The following MACROD1 variants were observed in gnomAD, a reference collection of about 807,000 sequenced individuals.
MACROD1 encodes ADP-ribose glycohydrolase MACROD1.
Under a neutral mutation model 41.4 loss-of-function variants are expected in MACROD1, and 31 were observed. The ratio of observed to expected loss-of-function variants is 0.75; its 90% confidence interval spans 0.56 to 1.01. MACROD1 has a LOEUF of 1.01. MACROD1 is among the 50% of genes least tolerant of loss of function. The pLI, the probability that MACROD1 is intolerant of heterozygous loss-of-function variation, is 0.00. For missense variants in MACROD1, 473 were observed against 460.0 expected (o/e 1.03, Z -0.26); for synonymous variants, 252 against 203.4 (o/e 1.24, Z -2.03).
At chr11:64,010,040 G>GGGGT (rs1942976281) in intron 4 of MACROD1, among the ~76,000 whole-genome samples, 1 of 151,402 alleles carries the variant, frequency 6.6e-6, no homozygotes, top group African/African-American at 2.4e-5. Flanking sequence ...CTGGGTTGTT[G>GGGGT]GTTGGGGTGT....
At chr11:64,144,769 A>G (rs1267025896) in intron 3 of MACROD1, among the ~76,000 whole-genome samples, 2 of 152,232 alleles carry the variant, frequency 1.3e-5, no homozygotes, top group Admixed American at 1.3e-4. Context: ...CACTGCGGAG[A>G]GGTTTCTGCT....
At chr11:64,094,899 G>A (rs948791859) in intron 3 of MACROD1, among the ~76,000 whole-genome samples, 2 of 152,224 alleles carry the variant, frequency 1.3e-5, no homozygotes, top group Non-Finnish European at 1.5e-5. Flanking sequence ...TGTCCCATCT[G>A]GGCCTGTGTC....
intron 3 of MACROD1, among the ~76,000 whole-genome samples, chr11:64,018,302 G>C (rs1401574326): frequency 6.6e-6 from 1 of 152,152 alleles, no homozygotes; most frequent in Non-Finnish European, 1.5e-5. Flanking sequence ...GGCTCTGGGG[G>C]TCAGGTGGCC....
In MACROD1 at chr11:64,151,321, T is replaced by C; in HGVS notation, c.435A>G (p.Lys145=). The change falls in exon 3 of 11, where the codon AAA becomes AAG. Residue 145 remains lysine (K), a synonymous_variant. Transcript: ENST00000255681. ...TTTTCTCATTGAGCTGCTTGTCCTT[T>C]TTATACCTGGGCTCCTCCACCTTCA... ...VAVKVEEPRY[K]KDKQLNEKIS... is the part of the protein sequence containing the mutation. 6.2e-7 allele frequency: 1 copy of C among 1,613,932 alleles called. No individual in the cohort carries two copies. The highest frequency in any genetic ancestry group is 8.5e-7 in the Non-Finnish European group (1 of 1,180,016).
chr11:64,077,122 C>T (rs111890347), intron 3 of MACROD1, among the ~76,000 whole-genome samples: 7,415 of 152,218 alleles, frequency 0.049, 446 homozygotes, highest in African/African-American at 0.14. Flanking sequence ...AGTCCAGCCT[C>T]GGGTAGGCCT....
At chr11:64,119,231 G>T in intron 3 of MACROD1, 1 of 163,280 alleles carries the variant, frequency 6.1e-6, no homozygotes. Context: ...GGAGTGAGGT[G>T]GGGGAGGAGA....
At chr11:64,164,547 T>C (rs1409189568) in intron 1 of MACROD1, among the ~76,000 whole-genome samples, 1 of 152,220 alleles carries the variant, frequency 6.6e-6, no homozygotes, top group Non-Finnish European at 1.5e-5. Context: ...AAGGGCCAAG[T>C]GCCTGACAAG....
Position 64,001,658 on chromosome 11 carries a change from G to C in MACROD1, c.548-1315C>G, listed in dbSNP as rs571909797. 79 of 701,518 alleles carry C rather than the reference G, an allele frequency of 1.1e-4. 1 individual carries two copies. In the East Asian group the frequency reaches 2.1e-3, roughly 18 times the overall value. 43.5% of individuals were successfully genotyped at this position (701,518 alleles called of 1,614,324 possible). ...AGGGATGGGTGGGCAGAGAGGTTAG[G>C]GGAACGCTGAGAACGGCTCAGGCCT... On this transcript the variant is annotated intron_variant, in intron 4 of 10. Coordinates refer to ENST00000255681, the MANE Select transcript of MACROD1 (RefSeq NM_014067.4).
intron 3 of MACROD1, chr11:64,148,964 C>T (rs907585641): frequency 8.1e-6 from 8 of 985,248 alleles, no homozygotes; most frequent in African/African-American, 3.5e-5. Context: ...GTGGGAAGCC[C>T]GTGTTCAGAC....
At chr11:64,008,474 C>G (rs1942951335) in intron 4 of MACROD1, among the ~76,000 whole-genome samples, 1 of 152,010 alleles carries the variant, frequency 6.6e-6, no homozygotes, top group East Asian at 1.9e-4. Flanking sequence ...CTAAATGCAG[C>G]AGTGGAGGGG....
At chr11:64,100,626 G>T (rs902913061) in intron 3 of MACROD1, among the ~76,000 whole-genome samples, 1 of 152,178 alleles carries the variant, frequency 6.6e-6, no homozygotes, top group East Asian at 1.9e-4. Context: ...GCCTCCTTTG[G>T]TTCAGTGAAT....
rs767352046 is a variant in MACROD1, at chr11:64,000,292, C to G, written c.599G>C (p.Arg200Pro). The change falls in exon 5 of 11, where the codon CGG becomes CCG. Residue 200 changes from arginine (R) to proline (P), a missense_variant. Transcript: ENST00000255681. ...AAGPLLTDEC[R>P]TLQSCKTGKA... ...GCCAGTCTTACAGCTCTGCAGGGTCCGGCACTCGTCGGTAAGCAGGGGGCC... is the reference window on the plus strand; with the variant it reads ...GCCAGTCTTACAGCTCTGCAGGGTCGGGCACTCGTCGGTAAGCAGGGGGCC... The G allele has an allele frequency of 6.3e-6, 10 of 1,598,836 alleles. No individual in the cohort carries two copies. Among genetic ancestry groups the G allele is most frequent in the Non-Finnish European group, 8.5e-6 (10 of 1,173,432 alleles).
At chr11:64,136,480 G>A (rs1169723339) in intron 3 of MACROD1, among the ~76,000 whole-genome samples, 1 of 152,238 alleles carries the variant, frequency 6.6e-6, no homozygotes. Context: ...GTTGGCAGCT[G>A]CAAGGCTGGG....
At chr11:64,137,293 A>G (rs1165503514) in intron 3 of MACROD1, among the ~76,000 whole-genome samples, 4 of 152,070 alleles carry the variant, frequency 2.6e-5, no homozygotes, top group Non-Finnish European at 4.4e-5. Flanking sequence ...GGGTCTCCTG[A>G]GCTGGGGCAC....
chr11:64,013,268 G>A (rs1000869614), intron 4 of MACROD1, among the ~76,000 whole-genome samples: 3 of 152,186 alleles, frequency 2.0e-5, no homozygotes, highest in Non-Finnish European at 2.9e-5. Flanking sequence ...CCACAGCAGG[G>A]TGGGGGCCGG....
At chr11:64,165,353 T>A (rs1438283949) in intron 1 of MACROD1, among the ~76,000 whole-genome samples, 2 of 152,222 alleles carry the variant, frequency 1.3e-5, no homozygotes, top group Non-Finnish European at 2.9e-5. Flanking sequence ...GCACTCGGCC[T>A]CAGTTTCCCT....
intron 3 of MACROD1, among the ~76,000 whole-genome samples, chr11:64,016,916 C>A (rs1000356336): frequency 6.6e-6 from 1 of 152,030 alleles, no homozygotes; most frequent in Non-Finnish European, 1.5e-5. Flanking sequence ...GAGGGGCGGG[C>A]CCCCCAGTGA....
chr11:64,054,020 C>G (rs1008085068), intron 3 of MACROD1, among the ~76,000 whole-genome samples: 1 of 152,176 alleles, frequency 6.6e-6, no homozygotes, highest in African/African-American at 2.4e-5. Context: ...CTTGCTCCCA[C>G]GTGGTTCAGA....
intron 3 of MACROD1, among the ~76,000 whole-genome samples, chr11:64,107,737 G>A (rs909393139): frequency 5.3e-5 from 8 of 152,222 alleles, no homozygotes; most frequent in Non-Finnish European, 1.2e-4. Flanking sequence ...ACCCTGCCCT[G>A]GCGGGAGCTG....
Sources: gnomAD v4.1 joint callset for allele counts (sites outside exome capture counted in the v4.1 genomes callset) on GRCh38, gnomAD v4.1.1 for gene constraint, MANE v1.5 for transcripts, NCBI Gene and HGNC (gene_info 2026-07-23, HGNC 2026-07-21) for gene names.